CNTNAP5: variants seen among roughly 807,000 people sequenced by gnomAD.
The protein encoded by CNTNAP5 is contactin associated protein family member 5.
CNTNAP5 carries 72 observed loss-of-function variants against 150.2 expected under a neutral mutation model. The observed-to-expected ratio is 0.48, with a 90% confidence interval of 0.40 to 0.58. The LOEUF (loss-of-function observed/expected upper bound fraction) is 0.58. CNTNAP5 is among the 20% of genes least tolerant of loss of function. The pLI is 0.00. For missense variants in CNTNAP5, 1,636 were observed against 1,626.2 expected (o/e 1.01, Z -0.10); for synonymous variants, 672 against 619.8 (o/e 1.08, Z -1.25).
intron 12 of CNTNAP5, among the ~76,000 whole-genome samples, chr2:124,638,751 A>G (rs1001160588): frequency 6.6e-6 from 1 of 152,128 alleles, no homozygotes; most frequent in African/African-American, 2.4e-5. Flanking sequence ...TCTCTTTTGT[A>G]CCTTCACAAA....
chr2:124,693,101 G>C (rs1679332642), intron 13 of CNTNAP5, among the ~76,000 whole-genome samples: 1 of 152,082 alleles, frequency 6.6e-6, no homozygotes, highest in Non-Finnish European at 1.5e-5. Flanking sequence ...GTGAGTTTCA[G>C]AGACACACAG....
chr2:124,535,689 A>G (rs781504308), intron 10 of CNTNAP5, among the ~76,000 whole-genome samples: 9 of 152,106 alleles, frequency 5.9e-5, no homozygotes, highest in Non-Finnish European at 1.0e-4. Context: ...AGGCATGAGA[A>G]TCGCTTGAAC....
intron 3 of CNTNAP5, among the ~76,000 whole-genome samples, chr2:124,365,267 G>T (rs1055703159): frequency 6.7e-6 from 1 of 149,474 alleles, no homozygotes; most frequent in African/African-American, 2.5e-5. Context: ...AGTGAACCAT[G>T]ATTATGCCAC....
At chr2:124,856,637 C>T (rs1380339681) in intron 19 of CNTNAP5, among the ~76,000 whole-genome samples, 4 of 152,014 alleles carry the variant, frequency 2.6e-5, no homozygotes, top group East Asian at 1.9e-4. Flanking sequence ...GTTCCTGGTC[C>T]GTCATCCCCT....
chr2:124,057,168 A>C (rs1681873108), intron 1 of CNTNAP5, among the ~76,000 whole-genome samples: 1 of 151,862 alleles, frequency 6.6e-6, no homozygotes, highest in African/African-American at 2.4e-5. Flanking sequence ...AATTAAGCCC[A>C]TTCATTTTCC....
intron 21 of CNTNAP5, among the ~76,000 whole-genome samples, chr2:124,894,510 T>G (rs1678263471): frequency 6.6e-6 from 1 of 151,398 alleles, no homozygotes; most frequent in East Asian, 1.9e-4. Context: ...AAATGAGATT[T>G]TATATCAACG....
At chr2:124,255,855 C>T (rs911044442) in intron 3 of CNTNAP5, among the ~76,000 whole-genome samples, 3 of 152,156 alleles carry the variant, frequency 2.0e-5, no homozygotes, top group East Asian at 3.9e-4. Flanking sequence ...TGCACGTATG[C>T]AGCCCAGGCA....
At chr2:124,434,306 G>A (rs1047635955) in intron 4 of CNTNAP5, among the ~76,000 whole-genome samples, 178 bp from the exon 5 acceptor site, 1 of 152,156 alleles carries the variant, frequency 6.6e-6, no homozygotes, top group African/African-American at 2.4e-5. Flanking sequence ...GCTTGTAAAC[G>A]AATAATTCCC....
rs546537630 is a variant in CNTNAP5 at position 124,391,950 on chromosome 2, C to T, written c.382-25493C>T. 6.6e-5 allele frequency among the ~76,000 whole-genome samples: 10 copies of T among 152,072 alleles called. No homozygotes were observed. In the East Asian group the frequency reaches 1.2e-3, roughly 18 times the overall value. On this transcript the variant is annotated intron_variant, in intron 3 of 23. Coordinates refer to ENST00000682447, the MANE Select transcript of CNTNAP5 (RefSeq NM_001367498.1). Reference sequence around the variant, plus strand: ...CAGCCTGGGTGACAGAGCGAGACTCCGTCCCAAAAACAAAAACAACAAAAA... The same window carrying T: ...CAGCCTGGGTGACAGAGCGAGACTCTGTCCCAAAAACAAAAACAACAAAAA...
At chr2:124,128,793 G>T (rs1683777849) in intron 1 of CNTNAP5, among the ~76,000 whole-genome samples, 1 of 152,012 alleles carries the variant, frequency 6.6e-6, no homozygotes. Flanking sequence ...CCATCATTCT[G>T]AGCAAACTAT....
chr2:124,658,681 G>C (rs1558723697), intron 13 of CNTNAP5, among the ~76,000 whole-genome samples: 1 of 152,066 alleles, frequency 6.6e-6, no homozygotes, highest in Non-Finnish European at 1.5e-5. Context: ...AACAAGTCAA[G>C]AATAGCAAGA....
intron 3 of CNTNAP5, among the ~76,000 whole-genome samples, chr2:124,317,731 G>C (rs1258983100): frequency 6.6e-6 from 1 of 152,176 alleles, no homozygotes; most frequent in East Asian, 1.9e-4. Context: ...CCCAATTGCA[G>C]ATCACTGAGG....
intron 4 of CNTNAP5, among the ~76,000 whole-genome samples, chr2:124,430,934 T>C (rs1327322509): frequency 6.6e-6 from 1 of 152,156 alleles, no homozygotes; most frequent in South Asian, 2.1e-4. Flanking sequence ...TTGAATGCCT[T>C]TGTATTTTCA....
chr2:124,895,394 G>A (rs1379896401), intron 21 of CNTNAP5, among the ~76,000 whole-genome samples: 1 of 151,576 alleles, frequency 6.6e-6, no homozygotes, highest in Non-Finnish European at 1.5e-5. Flanking sequence ...AGAATTCTAA[G>A]GTGGGAGGAT....
intron 3 of CNTNAP5, among the ~76,000 whole-genome samples, chr2:124,276,644 A>G (rs550630930): frequency 5.5e-4 from 84 of 152,302 alleles, no homozygotes; most frequent in African/African-American, 1.9e-3. Context: ...GATATTAGCT[A>G]AACATGTGAC....
At chr2:124,084,283 T>G (rs79174436) in intron 1 of CNTNAP5, among the ~76,000 whole-genome samples, 3 of 151,882 alleles carry the variant, frequency 2.0e-5, no homozygotes, top group African/African-American at 7.3e-5. Context: ...TTTTTTTTTT[T>G]CCTCACAGCG....
At chr2:124,696,833 G>T (rs183452488) in intron 13 of CNTNAP5, among the ~76,000 whole-genome samples, 70 of 152,182 alleles carry the variant, frequency 4.6e-4, no homozygotes, top group Non-Finnish European at 3.8e-4. Flanking sequence ...CATTTTTCTT[G>T]TAACTTCCAG....
chr2:124,450,189 C>G (rs1692930406), intron 6 of CNTNAP5, among the ~76,000 whole-genome samples: 2 of 151,764 alleles, frequency 1.3e-5, no homozygotes. Flanking sequence ...GTGCCAATGA[C>G]TAATTTTTGG....
chr2:124,816,662 G>A (rs1426205587), intron 19 of CNTNAP5, among the ~76,000 whole-genome samples: 1 of 151,788 alleles, frequency 6.6e-6, no homozygotes, highest in Non-Finnish European at 1.5e-5. Flanking sequence ...ATTTTTAATA[G>A]AGAAGAGGTT....
Sources: allele counts gnomAD v4.1 joint callset (sites outside exome capture counted in the v4.1 genomes callset), GRCh38; gene constraint gnomAD v4.1.1; transcripts MANE v1.5; gene names NCBI Gene and HGNC (gene_info 2026-07-23, HGNC 2026-07-21).